Variants in WDR72 observed in about 807,000 individuals in gnomAD.
WDR72 encodes the protein WD repeat-containing protein 72.
WDR72 carries 120 observed loss-of-function variants against 124.2 expected under a neutral mutation model. The ratio of observed to expected loss-of-function variants is 0.97; its 90% CI spans 0.83 to 1.12. The LOEUF (loss-of-function observed/expected upper bound fraction) is 1.12, where lower values mean the gene tolerates loss of function less well. Among genes scored for constraint, WDR72 ranks in the 50% most tolerant of loss-of-function variants. The pLI is 0.00. For missense variants in WDR72, 1,387 were observed against 1,278.8 expected (o/e 1.08, Z -1.29); for synonymous variants, 452 against 441.7 (o/e 1.02, Z -0.29).
upstream of WDR72, among the ~76,000 whole-genome samples, chr15:53,761,227 C>G (rs996940253): frequency 2.0e-5 from 3 of 152,184 alleles, no homozygotes; most frequent in African/African-American, 7.2e-5. Context: ...TGCTCAACAT[C>G]ATTGATCATC....
intron 9 of WDR72, among the ~76,000 whole-genome samples, chr15:53,706,856 A>G: frequency 6.6e-6 from 1 of 152,086 alleles, no homozygotes; most frequent in East Asian, 1.9e-4. Flanking sequence ...TATGTATAAT[A>G]TTGTACATTG....
At chr15:53,752,168 C>T (rs1042399639) in intron 1 of WDR72, among the ~76,000 whole-genome samples, 3 of 152,040 alleles carry the variant, frequency 2.0e-5, no homozygotes, top group African/African-American at 7.2e-5. Flanking sequence ...ATCAAATTGG[C>T]AAAGTAAAGT....
At chr15:53,609,630 T>A (rs1169866226) in intron 16 of WDR72, 38 bp from the exon 17 acceptor site, 2 of 1,549,926 alleles carry the variant, frequency 1.3e-6, no homozygotes, top group Admixed American at 3.3e-5. Flanking sequence ...CTTTAGAGTA[T>A]TAAAAATGGA....
chr15:53,528,369 A>C (rs537695631), intron 18 of WDR72, among the ~76,000 whole-genome samples: 1 of 152,220 alleles, frequency 6.6e-6, no homozygotes, highest in East Asian at 1.9e-4. Flanking sequence ...AAATTGGGGA[A>C]GAATCATGTA....
chr15:53,589,086 G>A (rs1429853672), intron 18 of WDR72, among the ~76,000 whole-genome samples: 2 of 151,878 alleles, frequency 1.3e-5, no homozygotes, highest in African/African-American at 4.8e-5. Context: ...TTCAGGCAAG[G>A]CTCAGGTCTC....
chr15:53,674,657 A>C (rs1252245169), intron 13 of WDR72, among the ~76,000 whole-genome samples: 1 of 152,230 alleles, frequency 6.6e-6, no homozygotes, highest in East Asian at 1.9e-4. Context: ...TCAGCTAAAA[A>C]ATGGAGTGTC....
chr15:53,677,459 T>C (rs2016214689), intron 13 of WDR72, among the ~76,000 whole-genome samples: 1 of 152,222 alleles, frequency 6.6e-6, no homozygotes, highest in South Asian at 2.1e-4. Context: ...GATTTGGCTC[T>C]GTCCCCACTC....
At chr15:53,632,344 G>T (rs1316160313) in intron 14 of WDR72, among the ~76,000 whole-genome samples, 1 of 152,080 alleles carries the variant, frequency 6.6e-6, no homozygotes, top group African/African-American at 2.4e-5. Context: ...AAGATGTGCA[G>T]AATGCAAGAG....
At chr15:53,702,087 T>A (rs1318346750) in intron 12 of WDR72, 47 bp downstream of exon 12, 1 of 1,412,288 alleles carries the variant, frequency 7.1e-7, no homozygotes, top group African/African-American at 1.4e-5. Flanking sequence ...ATTCTATAAT[T>A]TATATAATTT....
intron 14 of WDR72, among the ~76,000 whole-genome samples, chr15:53,628,836 T>A (rs2014309572): frequency 6.6e-6 from 1 of 151,942 alleles, no homozygotes; most frequent in East Asian, 1.9e-4. Flanking sequence ...AAACTTAAAA[T>A]GTTTAGCTAA....
intron 18 of WDR72, among the ~76,000 whole-genome samples, chr15:53,536,714 A>G (rs1892782617): frequency 6.6e-6 from 1 of 152,236 alleles, no homozygotes. Context: ...AGATCTTTTA[A>G]CGGCATTGAA....
chr15:53,724,586 T>C (rs1032768965), intron 2 of WDR72, among the ~76,000 whole-genome samples: 10 of 152,058 alleles, frequency 6.6e-5, no homozygotes, highest in Admixed American at 6.6e-4. Context: ...TTTTAAACCA[T>C]AGGATCTCGC....
intron 18 of WDR72, among the ~76,000 whole-genome samples, chr15:53,576,488 T>A (rs2011623933): frequency 6.6e-6 from 1 of 152,292 alleles, no homozygotes; most frequent in Middle Eastern, 3.4e-3. Flanking sequence ...CACATCTTAT[T>A]GTACTCCTTG....
At chr15:53,708,018 C>T (rs1429316132) in intron 9 of WDR72, among the ~76,000 whole-genome samples, 2 of 152,194 alleles carry the variant, frequency 1.3e-5, no homozygotes, top group African/African-American at 2.4e-5. Context: ...TTGCTCTCAT[C>T]CCCTCTGCCT....
intron 13 of WDR72, among the ~76,000 whole-genome samples, chr15:53,674,043 A>C (rs187306256): frequency 7.9e-5 from 12 of 152,342 alleles, no homozygotes; most frequent in Admixed American, 7.8e-4. Context: ...TAGGATAGGA[A>C]TTATTTAGCA....
At chr15:53,626,487 G>C (rs191127214) in intron 14 of WDR72, among the ~76,000 whole-genome samples, 36 of 152,304 alleles carry the variant, frequency 2.4e-4, no homozygotes, top group African/African-American at 8.7e-4. Context: ...GGTGGACGGC[G>C]AGCCAAAGCT....
chr15:53,658,599 A>C (rs1181304584), intron 14 of WDR72, among the ~76,000 whole-genome samples: 1 of 152,194 alleles, frequency 6.6e-6, no homozygotes, highest in African/African-American at 2.4e-5. Flanking sequence ...TAAACTGATA[A>C]GGAAAATCAA....
intron 14 of WDR72, among the ~76,000 whole-genome samples, chr15:53,644,338 C>A (rs117935499): frequency 2.1e-4 from 32 of 151,978 alleles, no homozygotes; most frequent in Non-Finnish European, 4.0e-4. Flanking sequence ...GGAAAAAAAT[C>A]GAGACATTGA....
intron 18 of WDR72, among the ~76,000 whole-genome samples, chr15:53,583,360 T>C (rs1034867498): frequency 6.6e-6 from 1 of 152,064 alleles, no homozygotes; most frequent in African/African-American, 2.4e-5. Context: ...CTAAAAATAG[T>C]GGTAAAATAG....
Sources: allele counts gnomAD v4.1 joint callset (sites outside exome capture counted in the v4.1 genomes callset), GRCh38; gene constraint gnomAD v4.1.1; transcripts MANE v1.5; gene names NCBI Gene and HGNC (gene_info 2026-07-23, HGNC 2026-07-21).